TAF2: variants seen among roughly 807,000 people sequenced by gnomAD.
TAF2 encodes the protein TATA-box binding protein associated factor 2.
In TAF2, 61 loss-of-function variants were observed where a neutral mutation model predicts 138.5. That is an observed-to-expected ratio of 0.44 (90% CI 0.36 to 0.54). TAF2 has a LOEUF of 0.54. TAF2 is among the 20% of genes least tolerant of loss of function. The pLI is 0.00. For synonymous variants in TAF2, 475 were observed against 469.9 expected, an observed-to-expected ratio of 1.01 and a Z score of -0.14; for missense variants, 1,090 against 1,427.9, an observed-to-expected ratio of 0.76 and a Z score of 3.81.
intron 22 of TAF2, among the ~76,000 whole-genome samples, chr8:119,750,332 C>T (rs1273323829): frequency 6.6e-6 from 1 of 152,164 alleles, no homozygotes; most frequent in Non-Finnish European, 1.5e-5. Flanking sequence ...CAGAGTGAGA[C>T]TCCGTCTCAA....
intron 5 of TAF2, among the ~76,000 whole-genome samples, chr8:119,802,875 G>T (rs747730473): frequency 6.6e-6 from 1 of 152,124 alleles, no homozygotes; most frequent in Non-Finnish European, 1.5e-5. Flanking sequence ...TGCATGAGCC[G>T]AGATTGCGCC....
At chr8:119,762,855 A>C (rs762374053) in intron 18 of TAF2, 9 of 343,016 alleles carry the variant, frequency 2.6e-5, no homozygotes, top group Non-Finnish European at 3.7e-5. Context: ...GGAAAGCATA[A>C]AGAAACTGGA....
intron 18 of TAF2, among the ~76,000 whole-genome samples, chr8:119,765,320 A>G (rs1002444456): frequency 6.2e-4 from 95 of 152,222 alleles, no homozygotes; most frequent in African/African-American, 2.2e-3. Flanking sequence ...AGAAGACAGG[A>G]AAAGTAATCA....
chr8:119,747,514 G>A (rs1820057725), intron 22 of TAF2, among the ~76,000 whole-genome samples: 1 of 152,138 alleles, frequency 6.6e-6, no homozygotes, highest in Admixed American at 6.5e-5. Flanking sequence ...TCTCCTGGTT[G>A]ACACACTAGA....
intron 2 of TAF2, among the ~76,000 whole-genome samples, chr8:119,826,939 T>G (rs1315364910): frequency 1.3e-5 from 2 of 152,034 alleles, no homozygotes; most frequent in Non-Finnish European, 2.9e-5. Context: ...ACACCTGTAA[T>G]CCTAGCACTT....
chr8:119,818,884 A>G (rs965127826), intron 3 of TAF2, among the ~76,000 whole-genome samples: 4 of 152,186 alleles, frequency 2.6e-5, no homozygotes, highest in Non-Finnish European at 5.9e-5. Context: ...TCTAAGGTGA[A>G]GAAACGAGCT....
intron 2 of TAF2, among the ~76,000 whole-genome samples, chr8:119,830,264 C>T (rs1269321123): frequency 6.6e-6 from 1 of 152,116 alleles, no homozygotes; most frequent in Non-Finnish European, 1.5e-5. Context: ...AAAATATTAT[C>T]TATCTCACAG....
intron 22 of TAF2, among the ~76,000 whole-genome samples, chr8:119,753,593 A>C (rs775596794): frequency 1.3e-5 from 2 of 152,186 alleles, no homozygotes; most frequent in Non-Finnish European, 2.9e-5. Flanking sequence ...ACTGGCAGAG[A>C]ATTTTAAACC....
intron 18 of TAF2, among the ~76,000 whole-genome samples, chr8:119,763,178 T>A (rs548610722): frequency 6.6e-6 from 1 of 152,062 alleles, no homozygotes; most frequent in South Asian, 2.1e-4. Flanking sequence ...CTGACACACA[T>A]AATGCAGAGT....
Position 119,760,679 on chromosome 8 carries a change from A to G in TAF2, c.2618T>C (p.Leu873Pro), listed in dbSNP as rs901706741. 6.2e-7 allele frequency: 1 copy of G among 1,614,064 alleles called. No homozygotes were observed. Among genetic ancestry groups the G allele is most frequent in the Non-Finnish European group, 8.5e-7 (1 of 1,179,960 alleles). Residue 873 changes from leucine to proline, a missense_variant, in exon 20 of 26, where the codon CTT becomes CCT. This residue lies in a region of TAF2 where 580 missense variants were observed against 719.6 expected (regional missense o/e 0.81). Transcript: ENST00000378164. ...GCCATATTCAGCATAAGATTTAAAA[A>G]GAGCTGGATCACTTGGCACATGTCC... Reference protein sequence around the residue: ...KNGHVPSDPALFKSYAEYGHF... With the variant: ...KNGHVPSDPAPFKSYAEYGHF...
intron 18 of TAF2, among the ~76,000 whole-genome samples, chr8:119,774,076 C>A (rs1822041081): frequency 6.6e-6 from 1 of 151,262 alleles, no homozygotes; most frequent in Non-Finnish European, 1.5e-5. Context: ...GAGGCTGAGG[C>A]AGAAGAATGG....
chr8:119,790,558 T>C (rs961972636), intron 11 of TAF2, among the ~76,000 whole-genome samples: 1 of 152,156 alleles, frequency 6.6e-6, no homozygotes, highest in African/African-American at 2.4e-5. Flanking sequence ...CCTCTAAGAA[T>C]GTTAACAATG....
chr8:119,757,335 T>C (rs1281411842), intron 21 of TAF2, among the ~76,000 whole-genome samples: 1 of 152,168 alleles, frequency 6.6e-6, no homozygotes, highest in Non-Finnish European at 1.5e-5. Flanking sequence ...TATAAATCTT[T>C]ATGGATATTT....
intron 1 of TAF2, 87 bp from the exon 2 acceptor site, chr8:119,831,818 G>A: frequency 7.8e-6 from 7 of 901,080 alleles, no homozygotes; most frequent in Non-Finnish European, 1.1e-5. Flanking sequence ...TATAAATTAG[G>A]ACTATGTTCT....
chr8:119,801,807 G>A lies in TAF2; in HGVS notation c.779C>T (p.Pro260Leu). 6.2e-7 allele frequency: 1 copy of A among 1,613,772 alleles called. No individual in the cohort carries two copies. The highest frequency in any genetic ancestry group is 8.5e-7 in the Non-Finnish European group (1 of 1,179,718). Residue 260 changes from proline to leucine, a missense_variant, in exon 6 of 26, where the codon CCA becomes CTA. Transcript: ENST00000378164. ...AIGPFEILVD[P>L]YMHEVTHFCL... is the part of the protein sequence containing the mutation. ...GCTCTGACTTACCTCATGCATGTAT[G>A]GATCTACCAGTATTTCAAATGGTCC... is the stretch of plus-strand genomic sequence containing the variant.
intron 3 of TAF2, among the ~76,000 whole-genome samples, chr8:119,812,749 G>A (rs200936035): frequency 9.1e-6 from 1 of 109,966 alleles, no homozygotes; most frequent in African/African-American, 4.9e-5. Context: ...GTGTGTGTGT[G>A]TGTATATATG....
At chr8:119,790,279 T>C (rs1823325864) in intron 11 of TAF2, among the ~76,000 whole-genome samples, 1 of 151,946 alleles carries the variant, frequency 6.6e-6, no homozygotes, top group Non-Finnish European at 1.5e-5. Context: ...CTACAAACAA[T>C]ACAAAAATTA....
chr8:119,814,368 T>C (rs1409857915), intron 3 of TAF2, among the ~76,000 whole-genome samples: 1 of 152,092 alleles, frequency 6.6e-6, no homozygotes, highest in Non-Finnish European at 1.5e-5. Context: ...TACCAATTTC[T>C]ATTATGTGAC....
chr8:119,791,546 C>T, intron 10 of TAF2, 87 bp from the exon 11 acceptor site: 1 of 1,451,836 alleles, frequency 6.9e-7, no homozygotes. Context: ...AGAAAATACC[C>T]AAAAAACCTC....
Sources: gnomAD v4.1 joint callset for allele counts (sites outside exome capture counted in the v4.1 genomes callset) on GRCh38, gnomAD v4.1.1 for gene constraint, gnomAD v4.1.1 regional missense constraint, MANE v1.5 for transcripts, NCBI Gene and HGNC (gene_info 2026-07-23, HGNC 2026-07-21) for gene names.